MTMR2: variants seen among roughly 807,000 people sequenced by gnomAD.
MTMR2 encodes phosphatidylinositol-3,5-bisphosphate 3-phosphatase MTMR2.
MTMR2 carries 55 observed loss-of-function variants against 86.9 expected under a neutral mutation model. The observed-to-expected ratio is 0.63, with a 90% confidence interval of 0.51 to 0.79. The LOEUF (loss-of-function observed/expected upper bound fraction) is 0.79, where lower values mean the gene tolerates loss of function less well. MTMR2 is among the 30% of genes least tolerant of loss of function. The pLI is 0.00. For synonymous variants in MTMR2, 241 were observed against 266.8 expected, an observed-to-expected ratio of 0.90 and a Z score of 0.94; for missense variants, 659 against 772.3, an observed-to-expected ratio of 0.85 and a Z score of 1.74.
chr11:95,923,542 G>T, intron 1 of MTMR2: 1 of 600,098 alleles, frequency 1.7e-6, no homozygotes, highest in Non-Finnish European at 2.3e-6. Flanking sequence ...GTGGGGAAAA[G>T]AATGGGGGCG....
chr11:95,871,515 CT>C (rs1375976372), intron 2 of MTMR2, among the ~76,000 whole-genome samples: 1 of 152,104 alleles, frequency 6.6e-6, no homozygotes, highest in Non-Finnish European at 1.5e-5. Flanking sequence ...TTTCATGTGT[CT>C]TTTGGCTGCA....
intron 7 of MTMR2, 114 bp from the exon 8 acceptor site, chr11:95,850,863 G>A: frequency 1.0e-6 from 1 of 983,484 alleles, no homozygotes; most frequent in Non-Finnish European, 1.6e-6. Context: ...ATCTCCTAAA[G>A]TGTTGGGATA....
chr11:95,853,324 T>G (rs946964209), intron 7 of MTMR2, among the ~76,000 whole-genome samples: 1 of 152,020 alleles, frequency 6.6e-6, no homozygotes, highest in Non-Finnish European at 1.5e-5. Flanking sequence ...TTGCTCACTT[T>G]TTTCAATTCT....
chr11:95,841,579 AAGG>A (rs1863547553), intron 12 of MTMR2, 35 bp downstream of exon 12: 2 of 1,451,420 alleles, frequency 1.4e-6, no homozygotes, highest in East Asian at 2.3e-5. Flanking sequence ...GGAAAACTGA[AAGG>A]AGATGTGTAA....
At chr11:95,882,750 T>C (rs1227245267) in intron 2 of MTMR2, among the ~76,000 whole-genome samples, 2 of 146,506 alleles carry the variant, frequency 1.4e-5, no homozygotes, top group East Asian at 4.0e-4. Context: ...TGAGACAGAG[T>C]CTCACTCTGT....
At chr11:95,862,848 G>A (rs1056695578) in intron 3 of MTMR2, among the ~76,000 whole-genome samples, 2 of 152,086 alleles carry the variant, frequency 1.3e-5, no homozygotes, top group African/African-American at 4.8e-5. Context: ...CTCCTGATCT[G>A]ATTAATACTT....
chr11:95,895,539 A>G (rs962450448), intron 1 of MTMR2, among the ~76,000 whole-genome samples: 4 of 152,184 alleles, frequency 2.6e-5, no homozygotes, highest in African/African-American at 9.7e-5. Flanking sequence ...GGGGCATACA[A>G]TGAGATATCA....
intron 7 of MTMR2, among the ~76,000 whole-genome samples, chr11:95,855,295 GC>G (rs1263767806): frequency 2.6e-5 from 4 of 151,810 alleles, no homozygotes; most frequent in Admixed American, 2.6e-4. Context: ...TCTCACTATT[GC>G]CCAAGCTTGA....
chr11:95,901,269 C>A lies in MTMR2; in HGVS notation c.81-13008G>T, dbSNP rs183845816. Among the ~76,000 whole-genome samples, 192 of 152,248 alleles carry A rather than the reference C, an allele frequency of 1.3e-3. 2 individuals are homozygous for A. Among genetic ancestry groups the A allele is most frequent in the African/African-American group, 4.3e-3 (179 of 41,562 alleles). ...CTAGTCAAAGCATTTGACTATCTGG[C>A]CCCACACTCTCTCTCCAGCCTTATT... On this transcript the variant is annotated intron_variant, in intron 1 of 14. Transcript: ENST00000346299.
chr11:95,860,120 C>T (rs1864354229), intron 5 of MTMR2, among the ~76,000 whole-genome samples: 1 of 152,192 alleles, frequency 6.6e-6, no homozygotes, highest in African/African-American at 2.4e-5. Flanking sequence ...GCACTACTTA[C>T]TCTTAAACTA....
chr11:95,899,803 A>C (rs1447325313), intron 1 of MTMR2, among the ~76,000 whole-genome samples: 1 of 152,122 alleles, frequency 6.6e-6, no homozygotes, highest in East Asian at 1.9e-4. Flanking sequence ...AGCTTAAATA[A>C]ATAGATCATT....
Position 95,835,247 on chromosome 11 carries a change from A to G in MTMR2, c.*43T>C. Reference sequence around the variant, plus strand: ...TTTCTACTCATAGAGCTGCCAGTGTAATCAAGAGTGTATAGCAATGATGCC... The same window carrying G: ...TTTCTACTCATAGAGCTGCCAGTGTGATCAAGAGTGTATAGCAATGATGCC... On this transcript the variant is annotated 3_prime_UTR_variant, in exon 15 of 15. Coordinates refer to ENST00000346299, the MANE Select transcript of MTMR2 (RefSeq NM_016156.6). 6.3e-7 allele frequency: 1 copy of G among 1,599,656 alleles called. No individual in the cohort carries two copies. Among genetic ancestry groups the G allele is most frequent in the Non-Finnish European group, 8.6e-7 (1 of 1,167,766 alleles).
chr11:95,919,051 G>A (rs1189102854), intron 1 of MTMR2, among the ~76,000 whole-genome samples: 1 of 152,070 alleles, frequency 6.6e-6, no homozygotes, highest in African/African-American at 2.4e-5. Flanking sequence ...GACCCTGGCT[G>A]GTCTGGAATT....
chr11:95,900,492 T>C (rs1866031796), intron 1 of MTMR2, among the ~76,000 whole-genome samples: 1 of 152,214 alleles, frequency 6.6e-6, no homozygotes, highest in African/African-American at 2.4e-5. Context: ...ACAGTCTCTA[T>C]AATGTTTTAG....
intron 2 of MTMR2, among the ~76,000 whole-genome samples, chr11:95,877,092 A>G (rs535500087): frequency 3.3e-5 from 5 of 152,358 alleles, no homozygotes; most frequent in Admixed American, 1.3e-4. Context: ...AAAACCCAGA[A>G]GAGAAAAAAA....
chr11:95,869,677 A>C (rs1010830509), intron 2 of MTMR2, among the ~76,000 whole-genome samples: 1 of 152,196 alleles, frequency 6.6e-6, no homozygotes, highest in Non-Finnish European at 1.5e-5. Flanking sequence ...AGAGTCTGAC[A>C]CAACTTAGGA....
At chr11:95,837,430 G>T (rs1424658616) in intron 13 of MTMR2, among the ~76,000 whole-genome samples, 2 of 152,060 alleles carry the variant, frequency 1.3e-5, no homozygotes, top group African/African-American at 2.4e-5. Context: ...TAGAATAAAA[G>T]TTGATGCAGA....
intron 1 of MTMR2, among the ~76,000 whole-genome samples, chr11:95,892,451 G>T (rs1014482613): frequency 2.0e-5 from 3 of 152,140 alleles, no homozygotes; most frequent in Non-Finnish European, 2.9e-5. Flanking sequence ...GAGAACTTCA[G>T]TTACATGGCC....
chr11:95,874,346 G>C (rs1865013251), intron 2 of MTMR2, among the ~76,000 whole-genome samples: 1 of 152,170 alleles, frequency 6.6e-6, no homozygotes, highest in Non-Finnish European at 1.5e-5. Flanking sequence ...TTACCATTAT[G>C]TAATGGCCTC....
Sources: allele counts gnomAD v4.1 joint callset (sites outside exome capture counted in the v4.1 genomes callset), GRCh38; gene constraint gnomAD v4.1.1; transcripts MANE v1.5; gene names NCBI Gene and HGNC (gene_info 2026-07-23, HGNC 2026-07-21).